The following TRAF3IP2 variants were observed in gnomAD, a reference collection of about 807,000 sequenced individuals.
TRAF3IP2 encodes the protein TRAF3 interacting protein 2.
TRAF3IP2 carries 35 observed loss-of-function variants against 57.9 expected under a neutral mutation model. The observed-to-expected ratio is 0.60, with a 90% CI of 0.46 to 0.80. TRAF3IP2 has a LOEUF of 0.80. Among genes scored for constraint, TRAF3IP2 ranks in the 30% least tolerant of loss-of-function variants. TRAF3IP2 has a pLI of 0.00. For missense variants in TRAF3IP2, 556 were observed against 706.4 expected, an observed-to-expected ratio of 0.79 and a Z score of 2.41; for synonymous variants, 251 against 268.9, an observed-to-expected ratio of 0.93 and a Z score of 0.65.
In TRAF3IP2 at chr6:111,556,797, T is replaced by A. The variant is rs1389351852; in HGVS notation, c.*2608A>T. ...CATTAGCAATGTTTCTTATTTATAG[T>A]TGACAAGTATTTGTCCTTTCCCTGT... On this transcript the variant is annotated 3_prime_UTR_variant, in exon 9 of 9. Transcript: ENST00000368761. 5.3e-5 allele frequency: 8 copies of A among 152,342 alleles called. No individual in the cohort carries two copies. The highest frequency in any genetic ancestry group is 1.7e-4 in the African/African-American group (7 of 41,572). 9.4% of individuals were successfully genotyped at this position (152,342 alleles called of 1,614,324 possible). A position where few individuals can be genotyped will look rare whatever the true frequency, so the allele number is the denominator to read the frequency against.
rs146821807 is a variant in TRAF3IP2, at chr6:111,563,158, A to C, written c.1477-119T>G. ...TCTGATTTCCATACTTGAGTGCCAC[A>C]CACTTAACATTTTAAGGCCTCCCCA... On this transcript the variant is annotated intron_variant, in intron 7 of 8. Coordinates refer to ENST00000368761, the MANE Select transcript of TRAF3IP2 (RefSeq NM_147686.4). 3.3e-5 allele frequency: 24 copies of C among 717,490 alleles called. No individual in the cohort carries two copies. The African/African-American group carries it at 3.7e-4, about 11-fold the overall frequency. 44.4% of individuals were successfully genotyped at this position (717,490 alleles called of 1,614,324 possible). A position where few individuals can be genotyped will look rare whatever the true frequency, so the allele number is the denominator to read the frequency against.
At chr6:111,604,349 C>T (rs1233874580) in intron 1 of TRAF3IP2, among the ~76,000 whole-genome samples, 2 of 152,224 alleles carry the variant, frequency 1.3e-5, no homozygotes, top group Non-Finnish European at 2.9e-5. Flanking sequence ...TTCCCTTCCC[C>T]TCCCATTAAA....
In TRAF3IP2 at chr6:111,591,568, A is replaced by C. The variant is rs779216296; in HGVS notation, c.519T>G (p.Gly173=). ...LPNASADSLG[G]SQEMVQRPQP... ...GGGGCCGTTGCACCATCTCCTGGCT[A>C]CCGCCCAAGGAGTCTGCTGAGGCAT... Residue 173 remains glycine (G), a synonymous_variant, in exon 2 of 9, where the codon GGT becomes GGG. Transcript: ENST00000368761. The surrounding 1 kb of genome is among the most constrained non-coding windows in gnomAD (Gnocchi z 4.9). 9 of 1,614,094 alleles carry C rather than the reference A, an allele frequency of 5.6e-6. No homozygotes were observed. The highest frequency in any genetic ancestry group is 1.7e-6 in the Non-Finnish European group (2 of 1,180,048).
At position 111,591,250 on chromosome 6, in the gene TRAF3IP2, T is replaced by A; in HGVS notation, c.829+8A>T. ...CCAGAATGCCCAGAGGAGGTAAAGA[T>A]CACTTACATGGCACCTGGTGATCGG... On this transcript the variant is annotated splice_region_variant and intron_variant, in intron 2 of 8. Coordinates refer to ENST00000368761, the MANE Select transcript of TRAF3IP2 (RefSeq NM_147686.4). This position sits in a 1 kb window ranked among gnomAD's most constrained non-coding sequence, Gnocchi z 4.9. 1 of 1,481,202 alleles carries A rather than the reference T, an allele frequency of 6.8e-7. No individual in the cohort carries two copies. Among genetic ancestry groups the A allele is most frequent in the East Asian group, 2.3e-5 (1 of 43,500 alleles). The allele number at this position is 1,481,202 out of a possible 1,614,324, so 91.8% of individuals were successfully genotyped here. A position where few individuals can be genotyped will look rare whatever the true frequency, so the allele number is the denominator to read the frequency against.
rs575843466 is a variant in TRAF3IP2, at chr6:111,567,108, G to A, written c.1359+516C>T. ...TCCCTCCAAAAGAAGCAGCCGACAC[G>A]GACACGCTGGCAGCAATCAATTTCG... On this transcript the variant is annotated intron_variant, in intron 6 of 8. Transcript: ENST00000368761. The A allele has an allele frequency of 7.0e-5, 64 of 918,918 alleles. 1 individual carries two copies. In the African/African-American group the frequency reaches 9.9e-4, roughly 14 times the overall value. 56.9% of individuals were successfully genotyped at this position (918,918 alleles called of 1,614,324 possible).
At chr6:111,585,141 A>G (rs1009265834) in intron 2 of TRAF3IP2, among the ~76,000 whole-genome samples, 3 of 152,224 alleles carry the variant, frequency 2.0e-5, no homozygotes, top group African/African-American at 7.2e-5. Flanking sequence ...TCCAACAACC[A>G]GTTACTTCCC....
At position 111,592,000 on chromosome 6, in the gene TRAF3IP2, T is replaced by G. The variant is rs1271055765; in HGVS notation, c.87A>C (p.Glu29Asp). The change falls in exon 2 of 9, where the codon GAA becomes GAC. Residue 29 changes from glutamate to aspartate, a missense_variant. Glu to Asp is a conservative substitution (Grantham distance 45). This residue lies in a region of TRAF3IP2 where 428 missense variants were observed against 498.7 expected (regional missense o/e 0.86). Coordinates refer to ENST00000368761, the MANE Select transcript of TRAF3IP2 (RefSeq NM_147686.4). This position sits in a 1 kb window ranked among gnomAD's most constrained non-coding sequence, Gnocchi z 4.9. ...TTGGAGCAGGTGGTTCTGATTCCTC[T>G]TCCGGGGAATATTCTGGGATTGGTT... ...LLKPIPEYSP[E>D]EESEPPAPNI... 1.2e-6 allele frequency: 2 copies of G among 1,614,156 alleles called. No individual in the cohort carries two copies. Among genetic ancestry groups the G allele is most frequent in the African/African-American group, 2.7e-5 (2 of 74,950 alleles).
rs1033429633 is a variant in TRAF3IP2, at chr6:111,557,617, A to AGAT, written c.*1785_*1787dup. 6.6e-6 allele frequency: 1 copy of AGAT among 151,310 alleles called. No individual in the cohort carries two copies. The highest frequency in any genetic ancestry group is 1.5e-5 in the Non-Finnish European group (1 of 67,894). 9.4% of individuals were successfully genotyped at this position (151,310 alleles called of 1,614,324 possible). A position where few individuals can be genotyped will look rare whatever the true frequency, so the allele number is the denominator to read the frequency against. Reference sequence around the variant, plus strand: ...GCTATTTTTTTTGTATTTTTAGTAGAGATGGAGTTTCACCGTGTTAGCCAG... The same window carrying AGAT: ...GCTATTTTTTTTGTATTTTTAGTAGAGATGATGGAGTTTCACCGTGTTAGCCAG... On this transcript the variant is annotated 3_prime_UTR_variant, in exon 9 of 9. Transcript: ENST00000368761.
rs145769640 is a variant in TRAF3IP2, at chr6:111,569,685, G to A, written c.1291-1993C>T. Among the ~76,000 whole-genome samples the A allele has an allele frequency of 1.7e-3, 258 of 152,316 alleles. 2 individuals carry two copies. The highest frequency in any genetic ancestry group is 5.6e-3 in the African/African-American group (231 of 41,566). On this transcript the variant is annotated intron_variant, in intron 5 of 8. Coordinates refer to ENST00000368761, the MANE Select transcript of TRAF3IP2 (RefSeq NM_147686.4). ...GCAGGAAAATTGCTTGAGCCTGGGA[G>A]GCAGAGGTTGCAGTGAGCCGAGATC...
chr6:111,594,228 C>T (rs573555011), intron 1 of TRAF3IP2, among the ~76,000 whole-genome samples: 6 of 151,844 alleles, frequency 4.0e-5, no homozygotes, highest in East Asian at 3.9e-4. Flanking sequence ...GCTCTTCAGC[C>T]GGTCAGAAAA....
In TRAF3IP2 at chr6:111,586,187, C is replaced by T. The variant is rs537792392; in HGVS notation, c.829+5071G>A. Among the ~76,000 whole-genome samples the T allele has an allele frequency of 8.5e-5, 13 of 152,094 alleles. No homozygotes were observed. The South Asian group carries it at 2.7e-3, about 32-fold the overall frequency. On this transcript the variant is annotated intron_variant, in intron 2 of 8. Transcript: ENST00000368761. The stretch of plus-strand genomic sequence containing the variant: ...ACTCCTTCTTTATCATTTCTTCCAT[C>T]TGGTTTATTTTTTGTGCATGCATTC...
intron 2 of TRAF3IP2, among the ~76,000 whole-genome samples, chr6:111,582,331 AC>A (rs1796193326): frequency 1.3e-5 from 2 of 152,084 alleles, no homozygotes; most frequent in Admixed American, 6.5e-5. Flanking sequence ...GGACCCCATG[AC>A]CCTTGCCCTG....
At chr6:111,603,084 GCACA>G (rs3066041) in intron 1 of TRAF3IP2, among the ~76,000 whole-genome samples, 79,042 of 149,842 alleles carry the variant, frequency 0.53, 20,994 homozygotes, top group Admixed American at 0.65. Flanking sequence ...CACAAGGTGT[GCACA>G]CACACACACA....
chr6:111,603,269 G>C (rs1041176058), intron 1 of TRAF3IP2, among the ~76,000 whole-genome samples: 4 of 152,164 alleles, frequency 2.6e-5, no homozygotes, highest in African/African-American at 9.7e-5. Context: ...ACAACGCATT[G>C]GGAAGAAACA....
At position 111,594,104 on chromosome 6, in the gene TRAF3IP2, C is replaced by T. The variant is rs549942385; in HGVS notation, c.-8-2010G>A. On this transcript the variant is annotated intron_variant, in intron 1 of 8. Coordinates refer to ENST00000368761, the MANE Select transcript of TRAF3IP2 (RefSeq NM_147686.4). ...TGAGATTGCGCCACTGCATTCCAGC[C>T]TCAGCGACAAGAGCGAGACTCCATC... 7.3e-5 allele frequency among the ~76,000 whole-genome samples: 10 copies of T among 137,800 alleles called. No homozygotes were observed. In the South Asian group the frequency reaches 1.4e-3, roughly 19 times the overall value. The allele number at this position is 137,800 out of a possible 152,430, so 90.4% of individuals were successfully genotyped here.
intron 1 of TRAF3IP2, among the ~76,000 whole-genome samples, chr6:111,604,373 G>C (rs1583252667): frequency 1.3e-5 from 2 of 152,184 alleles, no homozygotes. Flanking sequence ...CCCACACACA[G>C]TGACTGGTCC....
chr6:111,555,776 A>ATCT lies in TRAF3IP2; in HGVS notation c.*3626_*3628dup, dbSNP rs1257196719. Among the ~76,000 whole-genome samples, 1 of 152,186 alleles carries ATCT rather than the reference A, an allele frequency of 6.6e-6. No individual in the cohort carries two copies. Among genetic ancestry groups the ATCT allele is most frequent in the Non-Finnish European group, 1.5e-5 (1 of 68,028 alleles). On this transcript the variant is annotated 3_prime_UTR_variant, in exon 9 of 9. Coordinates refer to ENST00000368761, the MANE Select transcript of TRAF3IP2 (RefSeq NM_147686.4). ...TAACATCTAAATCAACCGAGTGTTA[A>ATCT]TCTTATTGTCAGTGCTCTCAAATAG...
At chr6:111,605,339 C>T (rs958979965) in intron 1 of TRAF3IP2, among the ~76,000 whole-genome samples, 8 of 152,238 alleles carry the variant, frequency 5.3e-5, no homozygotes, top group Non-Finnish European at 1.2e-4. Context: ...CTGCACGAAA[C>T]AAGGATTGAG....
At chr6:111,586,290 C>G (rs1038023017) in intron 2 of TRAF3IP2, among the ~76,000 whole-genome samples, 1 of 149,260 alleles carries the variant, frequency 6.7e-6, no homozygotes, top group Non-Finnish European at 1.5e-5. Context: ...TAATTTTATT[C>G]TATTCAGTCT....
Sources: gnomAD v4.1 joint callset for allele counts (sites outside exome capture counted in the v4.1 genomes callset) on GRCh38, gnomAD v4.1.1 for gene constraint, gnomAD v4.1.1 regional missense constraint, Gnocchi (gnomAD v3.1) non-coding constraint, MANE v1.5 for transcripts, NCBI Gene and HGNC (gene_info 2026-07-23, HGNC 2026-07-21) for gene names.